XPO7: variants seen among roughly 807,000 people sequenced by gnomAD.
XPO7 encodes exportin 7, also known as exportin-7.
In XPO7, 21 loss-of-function variants were observed where a neutral mutation model predicts 144.3. The observed-to-expected ratio is 0.15, with a 90% CI of 0.10 to 0.21. XPO7 has a LOEUF of 0.21. Ranked by LOEUF, XPO7 falls within the 10% of genes least tolerant of loss-of-function variation. The pLI, the probability that XPO7 is intolerant of heterozygous loss-of-function variation, is 1.00. For missense variants in XPO7, 808 were observed against 1,325.8 expected, an observed-to-expected ratio of 0.61 and a Z score of 6.06; for synonymous variants, 580 against 499.6, an observed-to-expected ratio of 1.16 and a Z score of -2.15.
intron 1 of XPO7, among the ~76,000 whole-genome samples, chr8:21,942,767 AT>A (rs1811035969): frequency 6.6e-6 from 1 of 152,232 alleles, no homozygotes; most frequent in Non-Finnish European, 1.5e-5. Flanking sequence ...AGCAGTATTT[AT>A]TTATGCTTCC....
Position 21,969,475 on chromosome 8 carries a change from T to C in XPO7, c.166-8T>C. ...AATTTTAAGTCCTTTTTCCCTCTCT[T>C]TTCACAGTCCTCTTACTCCCAGTTA... On this transcript the variant is annotated splice_region_variant and splice_polypyrimidine_tract_variant and intron_variant, in intron 2 of 27. Coordinates refer to ENST00000252512, the MANE Select transcript of XPO7 (RefSeq NM_015024.5). The C allele has an allele frequency of 1.9e-6, 3 of 1,612,272 alleles. No homozygotes were observed. Among genetic ancestry groups the C allele is most frequent in the Non-Finnish European group, 1.7e-6 (2 of 1,178,728 alleles).
chr8:21,986,558 C>G (rs1357918982), intron 13 of XPO7, among the ~76,000 whole-genome samples: 11 of 152,164 alleles, frequency 7.2e-5, no homozygotes, highest in Non-Finnish European at 1.6e-4. Flanking sequence ...ACAAAAGTCT[C>G]CGTAGCATTT....
rs1812751965 is a variant in XPO7, at chr8:21,990,900, T to C, written c.2022T>C (p.Arg674=). 6.2e-7 allele frequency: 1 copy of C among 1,613,992 alleles called. No individual in the cohort carries two copies. The change falls in exon 18 of 28, where the codon CGT becomes CGC. Residue 674 remains arginine (R), a synonymous_variant. Coordinates refer to ENST00000252512, the MANE Select transcript of XPO7 (RefSeq NM_015024.5). ...CTACCTTCTACACAGCACTTGGGCG[T>C]CTCCTCATGGTGGATTTAGGTACCG... is the stretch of plus-strand genomic sequence containing the variant. ...CRTTFYTALG[R]LLMVDLGEDE...
intron 1 of XPO7, among the ~76,000 whole-genome samples, chr8:21,933,625 T>G (rs114182642): frequency 0.024 from 3,688 of 152,274 alleles, 151 homozygotes; most frequent in African/African-American, 0.083. Flanking sequence ...ATATTATATT[T>G]TATTTATATG....
chr8:21,962,908 A>G (rs191106422), intron 1 of XPO7, among the ~76,000 whole-genome samples: 15 of 152,348 alleles, frequency 9.8e-5, no homozygotes, highest in South Asian at 4.1e-4. Flanking sequence ...TTATATGTCA[A>G]TTAACCTTCT....
chr8:21,922,615 A>T (rs1810325656), intron 1 of XPO7, among the ~76,000 whole-genome samples: 1 of 152,180 alleles, frequency 6.6e-6, no homozygotes, highest in Non-Finnish European at 1.5e-5. Flanking sequence ...CGCTCAGTGA[A>T]CAGTGGTGAT....
At chr8:22,002,357 T>A in intron 25 of XPO7, 85 bp downstream of exon 25, 1 of 1,463,596 alleles carries the variant, frequency 6.8e-7, no homozygotes, top group Non-Finnish European at 9.2e-7. Context: ...CACACACGAT[T>A]AACATGACAT....
intron 10 of XPO7, among the ~76,000 whole-genome samples, chr8:21,982,171 TA>T (rs1286241580): frequency 6.6e-6 from 1 of 152,070 alleles, no homozygotes; most frequent in Non-Finnish European, 1.5e-5. Context: ...GACAGAAGAG[TA>T]AAAAGAGAGT....
Position 21,966,483 on chromosome 8 carries a change from G to A in XPO7, c.19-374G>A, listed in dbSNP as rs777668128. Among the ~76,000 whole-genome samples the A allele has an allele frequency of 2.1e-4, 32 of 152,182 alleles. 1 individual carries two copies. The highest frequency in any genetic ancestry group is 9.7e-5 in the African/African-American group (4 of 41,440). ...GTTTATGTGCTTAATTTTAGTAGCCGTGCCTCTGGTATTTCACACTTTTTA... is the reference window on the plus strand; with the variant it reads ...GTTTATGTGCTTAATTTTAGTAGCCATGCCTCTGGTATTTCACACTTTTTA... On this transcript the variant is annotated intron_variant, in intron 1 of 27. Coordinates refer to ENST00000252512, the MANE Select transcript of XPO7 (RefSeq NM_015024.5).
intron 1 of XPO7, among the ~76,000 whole-genome samples, chr8:21,945,669 T>A (rs937608073): frequency 3.3e-5 from 5 of 152,242 alleles, no homozygotes; most frequent in African/African-American, 1.2e-4. Flanking sequence ...TTACTCAAAG[T>A]AAGGAAAATT....
chr8:21,983,726 A>G (rs955673241), intron 11 of XPO7, among the ~76,000 whole-genome samples: 5 of 152,222 alleles, frequency 3.3e-5, no homozygotes, highest in African/African-American at 1.2e-4. Context: ...AAGTTGCTCC[A>G]TTTCTGTATT....
At chr8:21,953,514 C>T (rs1026325233) in intron 1 of XPO7, among the ~76,000 whole-genome samples, 2 of 152,186 alleles carry the variant, frequency 1.3e-5, no homozygotes, top group African/African-American at 4.8e-5. Flanking sequence ...CATAAGTTTT[C>T]AAGTCATTTG....
intron 1 of XPO7, among the ~76,000 whole-genome samples, chr8:21,950,729 C>G (rs1365985043): frequency 6.6e-6 from 1 of 151,908 alleles, no homozygotes; most frequent in Non-Finnish European, 1.5e-5. Context: ...TTTCAGAAGC[C>G]TTTCCTTGAA....
chr8:21,968,051 C>T (rs1301469618), intron 2 of XPO7, among the ~76,000 whole-genome samples: 1 of 152,202 alleles, frequency 6.6e-6, no homozygotes, highest in African/African-American at 2.4e-5. Context: ...CCCAGTCGTG[C>T]TTACCTATAT....
At chr8:21,922,897 G>C (rs1265754664) in intron 1 of XPO7, among the ~76,000 whole-genome samples, 1 of 152,110 alleles carries the variant, frequency 6.6e-6, no homozygotes, top group Admixed American at 6.6e-5. Context: ...GTCATAGTTT[G>C]TTTTAAATTC....
At chr8:21,959,484 A>C (rs1378211384) in intron 1 of XPO7, among the ~76,000 whole-genome samples, 1 of 152,198 alleles carries the variant, frequency 6.6e-6, no homozygotes, top group Non-Finnish European at 1.5e-5. Flanking sequence ...TTTGTCTGCC[A>C]CCTAAAATCT....
At chr8:21,997,339 G>T (rs1585481835) in intron 21 of XPO7, among the ~76,000 whole-genome samples, 3 of 152,308 alleles carry the variant, frequency 2.0e-5, no homozygotes, top group African/African-American at 7.2e-5. Flanking sequence ...TCTTTCCAGT[G>T]ATTAAGTGCC....
chr8:21,989,459 A>C (rs191641630), intron 16 of XPO7, among the ~76,000 whole-genome samples: 7 of 152,200 alleles, frequency 4.6e-5, no homozygotes, highest in Non-Finnish European at 1.5e-5. Flanking sequence ...CCTGATTCCA[A>C]GCTTTGTGAT....
At chr8:21,931,895 G>A (rs961416353) in intron 1 of XPO7, among the ~76,000 whole-genome samples, 3 of 152,030 alleles carry the variant, frequency 2.0e-5, no homozygotes, top group Admixed American at 6.6e-5. Flanking sequence ...ATTTTGAGAC[G>A]AAGTCTTGCT....
Sources: allele counts gnomAD v4.1 joint callset (sites outside exome capture counted in the v4.1 genomes callset), GRCh38; gene constraint gnomAD v4.1.1; transcripts MANE v1.5; gene names NCBI Gene and HGNC (gene_info 2026-07-23, HGNC 2026-07-21).